AFF2: variants seen among roughly 807,000 people sequenced by gnomAD.
The protein encoded by AFF2 is AF4/FMR2 family member 2.
A neutral mutation model predicts 76.9 loss-of-function variants in AFF2; 14 were observed. The observed-to-expected ratio is 0.18, with a 90% CI of 0.12 to 0.28. The LOEUF (loss-of-function observed/expected upper bound fraction) is 0.28, where lower values mean the gene tolerates loss of function less well. Ranked by LOEUF, AFF2 falls within the 10% of genes least tolerant of loss-of-function variation. AFF2 has a pLI of 1.00. For missense variants in AFF2, 868 were observed against 1,001.1 expected (o/e 0.87, Z 1.79); for synonymous variants, 398 against 366.7 (o/e 1.09, Z -0.98).
chrX:148,846,774 T>C (rs941027324), intron 7 of AFF2, among the ~76,000 whole-genome samples: 8 of 111,404 alleles, frequency 7.2e-5, no homozygotes, highest in Admixed American at 2.9e-4. Context: ...GGCTGTGGAG[T>C]TGTATGTTTA....
chrX:148,560,590 A>G (rs188013215), intron 1 of AFF2, among the ~76,000 whole-genome samples: 1,414 of 111,899 alleles, frequency 0.013, 32 homozygotes, highest in African/African-American at 0.042. Context: ...ATCAGAGTGA[A>G]CAGGCAACCT....
At chrX:148,627,509 G>T (rs2053938506) in intron 1 of AFF2, among the ~76,000 whole-genome samples, 1 of 111,708 alleles carries the variant, frequency 9.0e-6, no homozygotes, top group Non-Finnish European at 1.9e-5. Context: ...CCATTGGCCT[G>T]GGAAAGACTG....
chrX:148,803,269 G>A (rs2070084697), intron 3 of AFF2, among the ~76,000 whole-genome samples: 1 of 111,650 alleles, frequency 9.0e-6, no homozygotes, highest in African/African-American at 3.3e-5. Flanking sequence ...CACGGAGGCT[G>A]GCAAAGAGAA....
rs150713576 is a variant in AFF2 at position 148,661,949 on chromosome X, G to T, written c.222G>T (p.Thr74=). ...CACTTGCCAACCGAGTCCAGAACAC[G>T]CTTGGAAACTATGATGAAATGAAGA... ...GDALANRVQN[T]LGNYDEMKNL... is the part of the protein sequence containing the mutation. The change falls in exon 3 of 21, where the codon ACG becomes ACT. Residue 74 remains threonine, a synonymous_variant. Coordinates refer to ENST00000370460, the MANE Select transcript of AFF2 (RefSeq NM_002025.4). 4 of 1,207,908 alleles carry T rather than the reference G, an allele frequency of 3.3e-6. No individual in the cohort carries two copies. The highest frequency in any genetic ancestry group is 2.2e-6 in the Non-Finnish European group (2 of 892,806).
intron 3 of AFF2, among the ~76,000 whole-genome samples, chrX:148,687,396 A>T (rs1266524772): frequency 2.7e-5 from 3 of 111,913 alleles, no homozygotes; most frequent in African/African-American, 9.7e-5. Flanking sequence ...TTGTTTCTTT[A>T]TTTTTAATTC....
chrX:148,978,561 C>A, intron 18 of AFF2, 106 bp downstream of exon 18: 1 of 550,020 alleles, frequency 1.8e-6, no homozygotes, highest in Non-Finnish European at 3.0e-6. Flanking sequence ...CTTAACCTCT[C>A]TCCTCCCTGC....
At chrX:148,973,326 A>T in intron 15 of AFF2, 145 bp from the exon 16 acceptor site, 1 of 707,985 alleles carries the variant, frequency 1.4e-6, no homozygotes, top group East Asian at 3.3e-5. Context: ...CCCTCTCCCC[A>T]GGGGTGACAA....
At chrX:148,602,315 A>G (rs2053633553) in intron 1 of AFF2, among the ~76,000 whole-genome samples, 2 of 111,751 alleles carry the variant, frequency 1.8e-5, no homozygotes, top group South Asian at 3.8e-4. Flanking sequence ...CTGGCAGGCC[A>G]TGGGAAAGAG....
intron 3 of AFF2, among the ~76,000 whole-genome samples, chrX:148,718,333 T>A (rs782700705): frequency 9.0e-6 from 1 of 111,145 alleles, no homozygotes; most frequent in Non-Finnish European, 1.9e-5. Context: ...GAGCATAGGG[T>A]CATCATTTCC....
chrX:148,548,527 C>T (rs912235932), intron 1 of AFF2, among the ~76,000 whole-genome samples: 3 of 111,770 alleles, frequency 2.7e-5, no homozygotes, highest in African/African-American at 9.8e-5. Context: ...CTCCGCCTCC[C>T]GAGTTCAAGC....
At chrX:148,650,425 G>T (rs1343740524) in intron 1 of AFF2, among the ~76,000 whole-genome samples, 2 of 111,731 alleles carry the variant, frequency 1.8e-5, no homozygotes, top group African/African-American at 6.5e-5. Flanking sequence ...CTAGATATGG[G>T]GCCCTGGCTT....
At chrX:148,523,321 C>T (rs2052621195) in intron 1 of AFF2, among the ~76,000 whole-genome samples, 1 of 111,564 alleles carries the variant, frequency 9.0e-6, no homozygotes, top group Admixed American at 9.5e-5. Flanking sequence ...TACATATACC[C>T]CATTCATGTA....
chrX:148,900,288 G>A (rs1569556820), intron 8 of AFF2, among the ~76,000 whole-genome samples: 1 of 110,596 alleles, frequency 9.0e-6, no homozygotes, highest in Non-Finnish European at 1.9e-5. Context: ...AGTGCTATAT[G>A]ATATGGTTTT....
intron 3 of AFF2, among the ~76,000 whole-genome samples, chrX:148,699,714 AT>A (rs782169550): frequency 2.7e-5 from 3 of 111,713 alleles, no homozygotes; most frequent in Admixed American, 9.5e-5. Context: ...AGCTGCCAGA[AT>A]AGACACCACA....
intron 1 of AFF2, among the ~76,000 whole-genome samples, chrX:148,599,321 A>T (rs1229861652): frequency 1.8e-5 from 2 of 112,408 alleles, no homozygotes; most frequent in Non-Finnish European, 3.8e-5. Context: ...ACAACTGGAC[A>T]TCAGATTCAG....
At position 148,992,066 on chromosome X, in the gene AFF2, T is replaced by C. The variant is rs2072539270; in HGVS notation, c.*734T>C. ...AGGCATCAGCTGGCATCAGTGTTTT[T>C]CAACTCCATTATTTGAAGTGTAAAT... On this transcript the variant is annotated 3_prime_UTR_variant, in exon 21 of 21. Coordinates refer to ENST00000370460, the MANE Select transcript of AFF2 (RefSeq NM_002025.4). 8.9e-6 allele frequency: 1 copy of C among 112,102 alleles called. No individual in the cohort carries two copies. The highest frequency in any genetic ancestry group is 3.8e-4 in the South Asian group (1 of 2,647). 9.2% of individuals were successfully genotyped at this position (112,102 alleles called of 1,213,427 possible).
intron 1 of AFF2, among the ~76,000 whole-genome samples, chrX:148,586,539 G>C (rs782312511): frequency 2.7e-5 from 3 of 111,542 alleles, no homozygotes; most frequent in Non-Finnish European, 5.6e-5. Context: ...CTCAATCTGA[G>C]CTCTGTCAGT....
chrX:148,838,135 G>T (rs1406648267), intron 5 of AFF2, among the ~76,000 whole-genome samples: 1 of 112,105 alleles, frequency 8.9e-6, no homozygotes, highest in Non-Finnish European at 1.9e-5. Flanking sequence ...CTCACAAGCA[G>T]ACAGATCTTT....
At chrX:148,757,318 T>C (rs1476232255) in intron 3 of AFF2, among the ~76,000 whole-genome samples, 1 of 111,972 alleles carries the variant, frequency 8.9e-6, no homozygotes, top group Non-Finnish European at 1.9e-5. Flanking sequence ...GTATTTGGTC[T>C]TTCGCGGGAA....
Sources: allele counts gnomAD v4.1 joint callset (sites outside exome capture counted in the v4.1 genomes callset), GRCh38; gene constraint gnomAD v4.1.1; transcripts MANE v1.5; gene names NCBI Gene and HGNC (gene_info 2026-07-23, HGNC 2026-07-21).